CARM1: variants seen among roughly 807,000 people sequenced by gnomAD.
CARM1 encodes histone-arginine methyltransferase CARM1.
Under a neutral mutation model 72.7 loss-of-function variants are expected in CARM1, and 14 were observed. The observed-to-expected ratio is 0.19, with a 90% CI of 0.13 to 0.30. The LOEUF is 0.30. Ranked by LOEUF, CARM1 falls within the 10% of genes least tolerant of loss-of-function variation. The probability of loss-of-function intolerance (pLI) is 1.00; values close to 1 mark genes in which losing one functional copy is unlikely to be tolerated. For synonymous variants in CARM1, 333 were observed against 345.5 expected, an observed-to-expected ratio of 0.96 and a Z score of 0.40; for missense variants, 432 against 833.7, an observed-to-expected ratio of 0.52 and a Z score of 5.93.
rs1167492501 is a variant in CARM1, at chr19:10,920,004, A to C, written c.1196+38A>C. On this transcript the variant is annotated intron_variant, in intron 10 of 15. Coordinates refer to ENST00000327064, the MANE Select transcript of CARM1 (RefSeq NM_199141.2). The surrounding 1 kb of genome is among the most constrained non-coding windows in gnomAD (Gnocchi z 5.3). ...GAGCAGCCCATGCTGCCTCCTCCCC[A>C]CTCCCAGGGCTTCCTGCAGCTGCAA... 2 of 1,515,354 alleles carry C rather than the reference A, an allele frequency of 1.3e-6. No homozygotes were observed. The highest frequency in any genetic ancestry group is 1.8e-6 in the Non-Finnish European group (2 of 1,093,782). 93.9% of individuals were successfully genotyped at this position (1,515,354 alleles called of 1,614,324 possible). A position where few individuals can be genotyped will look rare whatever the true frequency, so the allele number is the denominator to read the frequency against.
In CARM1 at chr19:10,879,641, C is replaced by G. The variant is rs577946171; in HGVS notation, c.220+7719C>G. On this transcript the variant is annotated intron_variant, in intron 1 of 15. Coordinates refer to ENST00000327064, the MANE Select transcript of CARM1 (RefSeq NM_199141.2). ...TTTTTGGTTTTTTTGGAGATGAATT[C>G]TCGCCCTGTCACCCAGGCTGGAGCA... Among the ~76,000 whole-genome samples, 303 of 152,164 alleles carry G rather than the reference C, an allele frequency of 2.0e-3. 2 individuals are homozygous for G. The highest frequency in any genetic ancestry group is 7.0e-3 in the African/African-American group (290 of 41,506).
chr19:10,872,529 C>T (rs1376240075), intron 1 of CARM1, among the ~76,000 whole-genome samples: 1 of 152,102 alleles, frequency 6.6e-6, no homozygotes, highest in Non-Finnish European at 1.5e-5. Context: ...CGGTGGGAGC[C>T]GCAGGGTGAG....
Position 10,896,441 on chromosome 19 carries a change from C to T in CARM1, c.221-8510C>T, listed in dbSNP as rs2074024620. ...CACCAAGAGCTGCCCTCTTCCCCAT[C>T]CCCATTGCCTCCTGCCTGGCCAGCC... On this transcript the variant is annotated intron_variant, in intron 1 of 15. Transcript: ENST00000327064. The surrounding 1 kb of genome is among the most constrained non-coding windows in gnomAD (Gnocchi z 5.2). Among the ~76,000 whole-genome samples, 2 of 152,058 alleles carry T rather than the reference C, an allele frequency of 1.3e-5. No individual in the cohort carries two copies. The highest frequency in any genetic ancestry group is 4.8e-5 in the African/African-American group (2 of 41,400).
At chr19:10,905,401 T>TTA (rs200109324) in intron 2 of CARM1, among the ~76,000 whole-genome samples, 44,065 of 151,978 alleles carry the variant, frequency 0.29, 6,430 homozygotes, top group East Asian at 0.37. Flanking sequence ...CTGGGCCAGC[T>TTA]GTGGATGGAG....
rs1568359104 is a variant in CARM1 at position 10,921,997 on chromosome 19, C to T, written c.*240C>T. On this transcript the variant is annotated 3_prime_UTR_variant, in exon 16 of 16. Transcript: ENST00000327064. ...TTACACAAAATCATGTTGTGGGAGC[C>T]CTCGTCCCCCCTCCTGCCCGCTCTA... The T allele has an allele frequency of 4.6e-6, 2 of 431,626 alleles. No homozygotes were observed. The highest frequency in any genetic ancestry group is 8.4e-5 in the East Asian group (2 of 23,716). The allele number at this position is 431,626 out of a possible 1,614,324, so 26.7% of individuals were successfully genotyped here. A position where few individuals can be genotyped will look rare whatever the true frequency, so the allele number is the denominator to read the frequency against.
rs182733716 is a variant in CARM1, at chr19:10,874,737, C to A, written c.220+2815C>A. Among the ~76,000 whole-genome samples the A allele has an allele frequency of 3.5e-4, 53 of 152,178 alleles. No individual in the cohort carries two copies. The East Asian group carries it at 9.8e-3, about 28-fold the overall frequency. ...GATATGGAGATAAAAAACATGGGTT[C>A]TTGGCCAGGCGTGGTGGCTCACACC... On this transcript the variant is annotated intron_variant, in intron 1 of 15. Coordinates refer to ENST00000327064, the MANE Select transcript of CARM1 (RefSeq NM_199141.2).
At chr19:10,911,949 G>T (rs942715906) in intron 4 of CARM1, among the ~76,000 whole-genome samples, 15 of 152,226 alleles carry the variant, frequency 9.9e-5, no homozygotes, top group African/African-American at 3.6e-4. Context: ...CGATCCGGAG[G>T]CCTGCAGGCC....
Position 10,920,293 on chromosome 19 carries a change from G to A in CARM1, c.1197-143G>A, listed in dbSNP as rs186200180. On this transcript the variant is annotated intron_variant, in intron 10 of 15. Transcript: ENST00000327064. This position sits in a 1 kb window ranked among gnomAD's most constrained non-coding sequence, Gnocchi z 5.3. ...CTCATGTTTGTGTCTGGGACTGCCT[G>A]GGGGCCAGCCTGTCTCTGCTCCAGG... 4.1e-6 allele frequency: 4 copies of A among 964,692 alleles called. No individual in the cohort carries two copies. Among genetic ancestry groups the A allele is most frequent in the African/African-American group, 3.3e-5 (2 of 60,648 alleles). 59.8% of individuals were successfully genotyped at this position (964,692 alleles called of 1,614,324 possible).
rs1338651268 is a variant in CARM1 at position 10,890,790 on chromosome 19, TA to T, written c.221-14160del. 5.9e-3 allele frequency among the ~76,000 whole-genome samples: 624 copies of T among 106,016 alleles called. 7 individuals carry two copies. The highest frequency in any genetic ancestry group is 0.023 in the African/African-American group (573 of 24,598). 69.6% of individuals were successfully genotyped at this position (106,016 alleles called of 152,430 possible). A position where few individuals can be genotyped will look rare whatever the true frequency, so the allele number is the denominator to read the frequency against. ...ACACACACACATATATATATATATA[TA>T]TATATTTTTTTTTTTTTTTTTTTTT... On this transcript the variant is annotated intron_variant, in intron 1 of 15. Coordinates refer to ENST00000327064, the MANE Select transcript of CARM1 (RefSeq NM_199141.2).
Position 10,881,011 on chromosome 19 carries a change from A to T in CARM1, c.220+9089A>T, listed in dbSNP as rs190609266. 1.7e-3 allele frequency among the ~76,000 whole-genome samples: 265 copies of T among 152,252 alleles called. 2 individuals are homozygous for T. The highest frequency in any genetic ancestry group is 6.1e-3 in the African/African-American group (253 of 41,546). On this transcript the variant is annotated intron_variant, in intron 1 of 15. Coordinates refer to ENST00000327064, the MANE Select transcript of CARM1 (RefSeq NM_199141.2). ...AACTGTATCTCTTAAAAAATAATTT[A>T]AAAAAATTAGCCGGCATGGTGGCAC...
In CARM1 at chr19:10,871,878, A is replaced by G; in HGVS notation, c.176A>G (p.Glu59Gly). 1 of 1,259,348 alleles carries G rather than the reference A, an allele frequency of 7.9e-7. No individual in the cohort carries two copies. The highest frequency in any genetic ancestry group is 1.0e-6 in the Non-Finnish European group (1 of 997,508). 78.0% of individuals were successfully genotyped at this position (1,259,348 alleles called of 1,614,324 possible). ...RHAEQQALRL[E>G]VRAGPDSAGI... ...GCGGAGCAGCAGGCGCTGCGCCTCG[A>G]GGTGCGCGCCGGCCCGGACTCGGCG... The change falls in exon 1 of 16, where the codon GAG becomes GGG. Residue 59 changes from glutamate (E) to glycine (G), a missense_variant. Coordinates refer to ENST00000327064, the MANE Select transcript of CARM1 (RefSeq NM_199141.2). This position sits in a 1 kb window ranked among gnomAD's most constrained non-coding sequence, Gnocchi z 5.6.
chr19:10,920,772 C>G lies in CARM1; in HGVS notation c.1424+24C>G, dbSNP rs776399253. 3 of 1,613,342 alleles carry G rather than the reference C, an allele frequency of 1.9e-6. No individual in the cohort carries two copies. Among genetic ancestry groups the G allele is most frequent in the Admixed American group, 1.7e-5 (1 of 59,996 alleles). ...AGGTAGGAGGGGCCCCTTGCCTGCACAGGGGGGCGCCCCGGCCCTGCAACC... is the reference window on the plus strand; with the variant it reads ...AGGTAGGAGGGGCCCCTTGCCTGCAGAGGGGGGCGCCCCGGCCCTGCAACC... On this transcript the variant is annotated intron_variant, in intron 12 of 15. Transcript: ENST00000327064. This position sits in a 1 kb window ranked among gnomAD's most constrained non-coding sequence, Gnocchi z 5.3.
intron 1 of CARM1, among the ~76,000 whole-genome samples, chr19:10,872,896 G>T (rs758637080): frequency 6.6e-6 from 1 of 152,050 alleles, no homozygotes; most frequent in Admixed American, 6.6e-5. Context: ...AGCTAGCTTG[G>T]GTCCTGTGTG....
intron 1 of CARM1, among the ~76,000 whole-genome samples, chr19:10,882,500 C>G (rs1222010491): frequency 6.8e-6 from 1 of 146,476 alleles, no homozygotes; most frequent in Non-Finnish European, 1.5e-5. Context: ...CTGCCCAAGT[C>G]GGACACAGCC....
intron 1 of CARM1, among the ~76,000 whole-genome samples, chr19:10,886,131 A>G (rs906481856): frequency 4.7e-5 from 7 of 147,608 alleles, no homozygotes; most frequent in African/African-American, 1.8e-4. Context: ...ATCTCAGCTC[A>G]CCACAACCTC....
chr19:10,916,506 G>A lies in CARM1; in HGVS notation c.938+9G>A. The A allele has an allele frequency of 1.9e-6, 3 of 1,605,860 alleles. No homozygotes were observed. The highest frequency in any genetic ancestry group is 2.6e-6 in the Non-Finnish European group (3 of 1,172,808). On this transcript the variant is annotated intron_variant, in intron 7 of 15. Coordinates refer to ENST00000327064, the MANE Select transcript of CARM1 (RefSeq NM_199141.2). This position sits in a 1 kb window ranked among gnomAD's most constrained non-coding sequence, Gnocchi z 4.4. Reference sequence around the variant, plus strand: ...ACCAAGGCCAACTTCTGGTGAGTGTGCCCTGGGTGTCCCGCCTGGGCCCCA... The same window carrying A: ...ACCAAGGCCAACTTCTGGTGAGTGTACCCTGGGTGTCCCGCCTGGGCCCCA...
At chr19:10,919,398 T>C in intron 8 of CARM1, 197 bp from the exon 9 acceptor site, 1 of 570,484 alleles carries the variant, frequency 1.8e-6, no homozygotes, top group South Asian at 2.3e-5. Flanking sequence ...TAAACACTTG[T>C]CATTTGGAGA....
intron 1 of CARM1, among the ~76,000 whole-genome samples, chr19:10,877,530 C>G (rs769023338): frequency 6.6e-5 from 10 of 152,048 alleles, no homozygotes; most frequent in Non-Finnish European, 1.2e-4. Context: ...TCAAGTGATT[C>G]TCATGCCTCA....
At chr19:10,904,819 G>A in intron 1 of CARM1, 132 bp from the exon 2 acceptor site, 1 of 1,189,054 alleles carries the variant, frequency 8.4e-7, no homozygotes, top group Non-Finnish European at 1.2e-6. Context: ...ATGCTGCCAG[G>A]GTGGTTTTGT....
Sources: allele counts gnomAD v4.1 joint callset (sites outside exome capture counted in the v4.1 genomes callset), GRCh38; gene constraint gnomAD v4.1.1; non-coding constraint Gnocchi (gnomAD v3.1); transcripts MANE v1.5; gene names NCBI Gene and HGNC (gene_info 2026-07-23, HGNC 2026-07-21).